Variants in MARCO observed in about 807,000 individuals in gnomAD.
MARCO encodes macrophage receptor with collagenous structure.
In MARCO, 72 loss-of-function variants were observed where a neutral mutation model predicts 70.0. The observed-to-expected ratio is 1.03, with a 90% CI of 0.85 to 1.25. The LOEUF (loss-of-function observed/expected upper bound fraction) is 1.25. Ranked by LOEUF, MARCO falls within the 50% of genes most tolerant of loss-of-function variation. The probability of loss-of-function intolerance (pLI) is 0.00; values close to 1 mark genes in which losing one functional copy is unlikely to be tolerated. For synonymous variants in MARCO, 273 were observed against 243.1 expected (o/e 1.12, Z -1.14); for missense variants, 696 against 659.3 (o/e 1.06, Z -0.61).
chr2:118,948,815 G>GTTTGTTT (rs1679654033), intron 1 of MARCO, among the ~76,000 whole-genome samples: 1 of 152,108 alleles, frequency 6.6e-6, no homozygotes, highest in African/African-American at 2.4e-5. Flanking sequence ...TTGTTTGTTT[G>GTTTGTTT]TTTGTTTGTT....
At chr2:118,959,639 C>G (rs1679904980) in intron 1 of MARCO, among the ~76,000 whole-genome samples, 1 of 152,162 alleles carries the variant, frequency 6.6e-6, no homozygotes. Flanking sequence ...TACTGGGTAT[C>G]TACCCAGAGG....
chr2:118,993,391 G>T, intron 16 of MARCO, 91 bp downstream of exon 16: 3 of 1,336,122 alleles, frequency 2.2e-6, no homozygotes, highest in Non-Finnish European at 3.1e-6. Context: ...ACTCAGTGTG[G>T]TTTTCTTTAA....
At chr2:118,971,903 G>C in intron 4 of MARCO, among the ~76,000 whole-genome samples, 1 of 152,188 alleles carries the variant, frequency 6.6e-6, no homozygotes, top group Non-Finnish European at 1.5e-5. Flanking sequence ...CTTCCCACCA[G>C]AGGTGCTGTG....
intron 1 of MARCO, among the ~76,000 whole-genome samples, chr2:118,945,137 T>G (rs1679571232): frequency 6.6e-6 from 1 of 152,170 alleles, no homozygotes; most frequent in African/African-American, 2.4e-5. Flanking sequence ...AGGTCTCTCC[T>G]CAGAGCCATA....
At chr2:118,946,217 GAT>G (rs1366652491) in intron 1 of MARCO, among the ~76,000 whole-genome samples, 1 of 152,130 alleles carries the variant, frequency 6.6e-6, no homozygotes, top group Admixed American at 6.5e-5. Flanking sequence ...CCAGGAAACT[GAT>G]ATTGGTGCAA....
chr2:118,951,852 T>G (rs1423522951), intron 1 of MARCO, among the ~76,000 whole-genome samples: 4 of 152,108 alleles, frequency 2.6e-5, no homozygotes, highest in African/African-American at 7.2e-5. Context: ...TCTCTCTGTC[T>G]CTTTCTCTCA....
chr2:118,959,160 T>C (rs957913624), intron 1 of MARCO, among the ~76,000 whole-genome samples: 1 of 151,924 alleles, frequency 6.6e-6, no homozygotes. Flanking sequence ...ACTAAAGAGC[T>C]TTTGCACGGC....
At position 118,991,893 on chromosome 2, in the gene MARCO, G is replaced by GCAC. The variant is rs1680629170; in HGVS notation, c.1207+18_1207+19insCAC. 1.3e-6 allele frequency: 2 copies of GCAC among 1,540,956 alleles called. No individual in the cohort carries two copies. The highest frequency in any genetic ancestry group is 1.8e-6 in the Non-Finnish European group (2 of 1,128,854). On this transcript the variant is annotated intron_variant, in intron 14 of 16. Coordinates refer to ENST00000327097, the MANE Select transcript of MARCO (RefSeq NM_006770.4). ...AGTGAAAGGTAAGGCCTCTGCATCTGATTCCTTTGTTCTTAGGACTGTGCT... is the reference window on the plus strand; with the variant it reads ...AGTGAAAGGTAAGGCCTCTGCATCTGCACATTCCTTTGTTCTTAGGACTGTGCT...
At chr2:118,970,022 G>A (rs1358077537) in intron 2 of MARCO, 92 bp from the exon 3 acceptor site, 17 of 1,085,920 alleles carry the variant, frequency 1.6e-5, no homozygotes, top group South Asian at 1.2e-4. Flanking sequence ...CAAATTCAGG[G>A]CCTGTAGAAG....
intron 1 of MARCO, chr2:118,944,700 T>G (rs879537385): frequency 2.0e-5 from 3 of 152,088 alleles, no homozygotes; most frequent in African/African-American, 2.4e-5. Flanking sequence ...ACTAGGAAAG[T>G]TTTCAACACA....
intron 1 of MARCO, among the ~76,000 whole-genome samples, chr2:118,960,906 C>T (rs1314783031): frequency 6.6e-6 from 1 of 152,088 alleles, no homozygotes; most frequent in Admixed American, 6.6e-5. Context: ...CACCCCCTGA[C>T]TGGCCCCAGT....
chr2:118,963,115 T>A (rs1218402657), intron 1 of MARCO, among the ~76,000 whole-genome samples: 3 of 151,578 alleles, frequency 2.0e-5, no homozygotes, highest in Non-Finnish European at 4.4e-5. Flanking sequence ...TATTCTTATC[T>A]TTATTATTTC....
chr2:118,990,462 G>A (rs762588598), intron 12 of MARCO, 127 bp from the exon 13 acceptor site: 37 of 875,034 alleles, frequency 4.2e-5, no homozygotes, highest in Admixed American at 2.2e-4. Flanking sequence ...TTAAACAATC[G>A]TGGAGAACCA....
chr2:118,966,098 C>T (rs1680042425), intron 1 of MARCO, among the ~76,000 whole-genome samples: 1 of 151,618 alleles, frequency 6.6e-6, no homozygotes, highest in African/African-American at 2.4e-5. Flanking sequence ...CCAGCACTGC[C>T]TGCTACCCCA....
intron 6 of MARCO, among the ~76,000 whole-genome samples, chr2:118,976,351 G>C (rs770560405): frequency 1.2e-4 from 19 of 152,060 alleles, no homozygotes; most frequent in Admixed American, 3.3e-4. Context: ...TTCTGCTTGG[G>C]CCCCACTGGC....
intron 8 of MARCO, among the ~76,000 whole-genome samples, chr2:118,980,148 CA>C (rs1321799580): frequency 6.6e-6 from 1 of 152,142 alleles, no homozygotes; most frequent in Non-Finnish European, 1.5e-5. Flanking sequence ...TGGCCCACAG[CA>C]AAAAAGGCAC....
intron 1 of MARCO, among the ~76,000 whole-genome samples, chr2:118,954,712 A>T (rs1679795578): frequency 6.6e-6 from 1 of 152,174 alleles, no homozygotes; most frequent in Non-Finnish European, 1.5e-5. Context: ...ATCCACAGCT[A>T]AGAGGCCGTT....
At chr2:118,982,513 T>C in intron 12 of MARCO, 103 bp downstream of exon 12, 1 of 1,126,684 alleles carries the variant, frequency 8.9e-7, no homozygotes, top group Non-Finnish European at 1.3e-6. Context: ...GCAGAGGGTC[T>C]TCTGTGCCTT....
rs1680688325 is a variant in MARCO, at chr2:118,994,597, G to T, written c.*77G>T. 2 of 1,425,970 alleles carry T rather than the reference G, an allele frequency of 1.4e-6. No homozygotes were observed. The highest frequency in any genetic ancestry group is 1.9e-6 in the Non-Finnish European group (2 of 1,063,382). 88.3% of individuals were successfully genotyped at this position (1,425,970 alleles called of 1,614,324 possible). A position where few individuals can be genotyped will look rare whatever the true frequency, so the allele number is the denominator to read the frequency against. ...TGGGAAGGCAGAGGATCTCTGAGGA[G>T]TTCCCTGGGGACAACTGAGCAGCCT... On this transcript the variant is annotated 3_prime_UTR_variant, in exon 17 of 17. Coordinates refer to ENST00000327097, the MANE Select transcript of MARCO (RefSeq NM_006770.4).
Sources: allele counts gnomAD v4.1 joint callset (sites outside exome capture counted in the v4.1 genomes callset), GRCh38; gene constraint gnomAD v4.1.1; transcripts MANE v1.5; gene names NCBI Gene and HGNC (gene_info 2026-07-23, HGNC 2026-07-21).